ZNF385D: variants seen among roughly 807,000 people sequenced by gnomAD.
ZNF385D encodes zinc finger protein 385D, also known as zinc finger protein 659.
In ZNF385D, 15 loss-of-function variants were observed where a neutral mutation model predicts 35.8. That is an observed-to-expected ratio of 0.42 (90% CI 0.28 to 0.64). The LOEUF is 0.64. Ranked by LOEUF, ZNF385D falls within the 30% of genes least tolerant of loss-of-function variation. The probability of loss-of-function intolerance (pLI) is 0.23; values close to 1 mark genes in which losing one functional copy is unlikely to be tolerated. For missense variants in ZNF385D, 474 were observed against 494.6 expected (o/e 0.96, Z 0.39); for synonymous variants, 212 against 186.8 (o/e 1.13, Z -1.10).
At chr3:22,099,285 A>G (rs1701800359) in intron 3 of ZNF385D, among the ~76,000 whole-genome samples, 1 of 152,124 alleles carries the variant, frequency 6.6e-6, no homozygotes, top group Non-Finnish European at 1.5e-5. Context: ...ATGTACATAC[A>G]CTGTGAAAGT....
intron 3 of ZNF385D, among the ~76,000 whole-genome samples, chr3:21,905,616 T>C (rs1699644242): frequency 6.6e-6 from 1 of 151,876 alleles, no homozygotes; most frequent in Non-Finnish European, 1.5e-5. Flanking sequence ...AATTTGGACA[T>C]AAGGCTTAAA....
chr3:22,309,723 G>C (rs1703432429), intron 2 of ZNF385D, among the ~76,000 whole-genome samples: 1 of 151,776 alleles, frequency 6.6e-6, no homozygotes, highest in Non-Finnish European at 1.5e-5. Flanking sequence ...AAATCTCAAG[G>C]GTCACCACTC....
intron 1 of ZNF385D, among the ~76,000 whole-genome samples, chr3:21,717,663 C>G (rs1384773127): frequency 6.6e-6 from 1 of 152,130 alleles, no homozygotes; most frequent in Non-Finnish European, 1.5e-5. Flanking sequence ...GCGGTTTCCC[C>G]CATGCTGTTC....
At chr3:21,460,184 T>C (rs1703078004) in intron 4 of ZNF385D, among the ~76,000 whole-genome samples, 2 of 152,212 alleles carry the variant, frequency 1.3e-5, no homozygotes, top group South Asian at 4.1e-4. Context: ...CCATCTTTTT[T>C]TTCTTCTCAG....
intron 3 of ZNF385D, among the ~76,000 whole-genome samples, chr3:21,861,541 C>G (rs1335398923): frequency 6.6e-6 from 1 of 152,072 alleles, no homozygotes; most frequent in East Asian, 1.9e-4. Context: ...TATAACTGAT[C>G]TGAAACTGTT....
chr3:22,359,071 AAC>A (rs1696289597), intron 2 of ZNF385D, among the ~76,000 whole-genome samples: 1 of 143,002 alleles, frequency 7.0e-6, no homozygotes, highest in Admixed American at 6.9e-5. Context: ...CAAACAAAAA[AAC>A]CAAAAAAAAA....
intron 1 of ZNF385D, among the ~76,000 whole-genome samples, chr3:21,708,026 C>G (rs2067971244): frequency 6.6e-6 from 1 of 152,140 alleles, no homozygotes; most frequent in African/African-American, 2.4e-5. Context: ...GTAACAATCT[C>G]TATGTGACTC....
At chr3:21,998,390 G>T (rs1695617448) in intron 3 of ZNF385D, among the ~76,000 whole-genome samples, 1 of 152,122 alleles carries the variant, frequency 6.6e-6, no homozygotes, top group African/African-American at 2.4e-5. Context: ...CCCAAGCTGA[G>T]CCCTAATTTT....
intron 3 of ZNF385D, among the ~76,000 whole-genome samples, chr3:21,892,877 A>AAATAG (rs1214191562): frequency 6.6e-6 from 1 of 152,184 alleles, no homozygotes; most frequent in Non-Finnish European, 1.5e-5. Context: ...TTACAAAATG[A>AAATAG]AATAGAATAG....
intron 3 of ZNF385D, among the ~76,000 whole-genome samples, chr3:21,766,399 T>C (rs905868405): frequency 1.3e-5 from 2 of 152,168 alleles, no homozygotes; most frequent in African/African-American, 4.8e-5. Context: ...GGCTTATTGA[T>C]GTGATAGAAC....
chr3:21,941,738 C>T (rs985614608), intron 3 of ZNF385D, among the ~76,000 whole-genome samples: 3 of 151,962 alleles, frequency 2.0e-5, no homozygotes, highest in Non-Finnish European at 4.4e-5. Context: ...ACCTCGTGAT[C>T]CGCCCACCTC....
intron 2 of ZNF385D, among the ~76,000 whole-genome samples, chr3:22,248,684 C>G (rs558245234): frequency 6.6e-6 from 1 of 152,090 alleles, no homozygotes; most frequent in Admixed American, 6.5e-5. Flanking sequence ...GAAATTAATT[C>G]CTATCTTTCG....
intron 3 of ZNF385D, chr3:21,511,634 GAGA>G (rs1707214488): frequency 6.6e-6 from 3 of 454,060 alleles, no homozygotes; most frequent in Non-Finnish European, 1.3e-5. Context: ...AGGGTAGTCT[GAGA>G]AGTTCAACTT....
chr3:21,587,465 G>T (rs1273212301), intron 2 of ZNF385D, among the ~76,000 whole-genome samples: 1 of 152,110 alleles, frequency 6.6e-6, no homozygotes, highest in Non-Finnish European at 1.5e-5. Flanking sequence ...TCTCATTTGG[G>T]TAACTGAATG....
intron 3 of ZNF385D, among the ~76,000 whole-genome samples, chr3:21,757,280 C>A (rs1290825700): frequency 1.3e-5 from 2 of 151,920 alleles, no homozygotes; most frequent in African/African-American, 4.8e-5. Context: ...TCAGCTGGGA[C>A]TACAGGAGCA....
intron 3 of ZNF385D, among the ~76,000 whole-genome samples, chr3:21,945,555 T>G (rs1701740769): frequency 6.6e-6 from 1 of 152,216 alleles, no homozygotes; most frequent in Non-Finnish European, 1.5e-5. Context: ...TTTGATCATG[T>G]GAAAGAAGAT....
rs141008048 is a variant in ZNF385D, at chr3:21,903,157, C to T, written c.326-238129G>A. Among the ~76,000 whole-genome samples, 270 of 152,240 alleles carry T rather than the reference C, an allele frequency of 1.8e-3. 4 individuals carry two copies. Among genetic ancestry groups the T allele is most frequent in the African/African-American group, 6.2e-3 (256 of 41,542 alleles). ...AGACCAGAAGATCAACTAAATCTCC[C>T]GGTCATCTTTCTAAAAAGGGTGACC... On this transcript the variant is annotated intron_variant, in intron 3 of 5. Transcript: ENST00000494108.
chr3:21,804,670 T>C lies in ZNF385D; in HGVS notation c.326-139642A>G, dbSNP rs563666619. 1.6e-4 allele frequency among the ~76,000 whole-genome samples: 25 copies of C among 152,332 alleles called. 1 individual carries two copies. The highest frequency in any genetic ancestry group is 5.8e-4 in the East Asian group (3 of 5,176). Reference sequence around the variant, plus strand: ...CTGGGCAATTCATTTTAGTCTCTCTTGTCCTCAGATTCTGTATTATTTACC... The same window carrying C: ...CTGGGCAATTCATTTTAGTCTCTCTCGTCCTCAGATTCTGTATTATTTACC... On this transcript the variant is annotated intron_variant, in intron 3 of 5. Coordinates refer to the ZNF385D transcript ENST00000494108.
At chr3:22,040,884 A>G (rs1191287431) in intron 3 of ZNF385D, among the ~76,000 whole-genome samples, 1 of 151,162 alleles carries the variant, frequency 6.6e-6, no homozygotes, top group African/African-American at 2.5e-5. Flanking sequence ...TGCTTGCTAG[A>G]GTCTTTTTTT....
Sources: allele counts gnomAD v4.1 joint callset (sites outside exome capture counted in the v4.1 genomes callset), GRCh38; gene constraint gnomAD v4.1.1; transcripts MANE v1.5; gene names NCBI Gene and HGNC (gene_info 2026-07-23, HGNC 2026-07-21).